SGCZ: variants seen among roughly 807,000 people sequenced by gnomAD.
The protein encoded by SGCZ is zeta-sarcoglycan.
A neutral mutation model predicts 41.3 loss-of-function variants in SGCZ; 40 were observed. The observed-to-expected ratio is 0.97, with a 90% CI of 0.75 to 1.26. The LOEUF (loss-of-function observed/expected upper bound fraction) is 1.26. Ranked by LOEUF, SGCZ falls within the 50% of genes most tolerant of loss-of-function variation. SGCZ has a pLI of 0.00. For missense variants in SGCZ, 552 were observed against 369.8 expected (o/e 1.49, Z -4.04); for synonymous variants, 206 against 137.5 (o/e 1.50, Z -3.49).
intron 1 of SGCZ, among the ~76,000 whole-genome samples, chr8:14,611,055 T>C (rs938550547): frequency 3.9e-5 from 6 of 152,170 alleles, no homozygotes; most frequent in Non-Finnish European, 2.9e-5. Context: ...AAATCTTTTA[T>C]TGGAAGATAG....
At chr8:14,183,193 AC>A (rs1250178431) in intron 4 of SGCZ, among the ~76,000 whole-genome samples, 2 of 152,156 alleles carry the variant, frequency 1.3e-5, no homozygotes, top group African/African-American at 4.8e-5. Flanking sequence ...GTAGATGCCT[AC>A]AAAATATTGC....
At chr8:14,993,017 A>T (rs1220494227) in intron 1 of SGCZ, among the ~76,000 whole-genome samples, 1 of 151,328 alleles carries the variant, frequency 6.6e-6, no homozygotes, top group African/African-American at 2.4e-5. Context: ...TACCTCACCC[A>T]TCCTCCTCAT....
At chr8:15,198,418 T>C (rs1170732953) in intron 1 of SGCZ, among the ~76,000 whole-genome samples, 2 of 152,108 alleles carry the variant, frequency 1.3e-5, no homozygotes, top group African/African-American at 4.8e-5. Flanking sequence ...GTATCTTTAT[T>C]CTAGTCTATC....
chr8:14,670,691 G>A (rs938092518), intron 1 of SGCZ, among the ~76,000 whole-genome samples: 3 of 152,152 alleles, frequency 2.0e-5, no homozygotes, highest in Non-Finnish European at 4.4e-5. Flanking sequence ...ACTCTCAATG[G>A]TCCAAGTCCT....
chr8:14,962,939 C>T (rs1218420308), intron 1 of SGCZ, among the ~76,000 whole-genome samples: 1 of 152,122 alleles, frequency 6.6e-6, no homozygotes, highest in Non-Finnish European at 1.5e-5. Context: ...AGGGGATTAG[C>T]CCTGTTCTAG....
chr8:14,269,168 G>C (rs192027623), intron 3 of SGCZ, among the ~76,000 whole-genome samples: 1 of 152,046 alleles, frequency 6.6e-6, no homozygotes, highest in African/African-American at 2.4e-5. Flanking sequence ...TTAGAGAGCA[G>C]CTTAAGGTTT....
At chr8:14,813,994 C>T (rs1017728990) in intron 1 of SGCZ, among the ~76,000 whole-genome samples, 1 of 152,134 alleles carries the variant, frequency 6.6e-6, no homozygotes, top group East Asian at 1.9e-4. Flanking sequence ...CACATACCCA[C>T]AAGTGCTACA....
intron 3 of SGCZ, among the ~76,000 whole-genome samples, chr8:14,310,669 A>T (rs1362507271): frequency 6.6e-6 from 1 of 152,096 alleles, no homozygotes; most frequent in Non-Finnish European, 1.5e-5. Context: ...TAAAATGTGT[A>T]CAGTGAATTG....
chr8:14,896,611 G>A (rs770022792), intron 1 of SGCZ, among the ~76,000 whole-genome samples: 1 of 151,850 alleles, frequency 6.6e-6, no homozygotes, highest in African/African-American at 2.4e-5. Flanking sequence ...TAGGTAGCTG[G>A]GATTACAGGT....
At chr8:14,329,541 T>G (rs1471651885) in intron 2 of SGCZ, among the ~76,000 whole-genome samples, 1 of 152,188 alleles carries the variant, frequency 6.6e-6, no homozygotes. Context: ...GCTTGGAGAT[T>G]GCCACCTAAC....
At chr8:14,898,644 G>A (rs17120485) in intron 1 of SGCZ, among the ~76,000 whole-genome samples, 6,349 of 152,208 alleles carry the variant, frequency 0.042, 359 homozygotes, top group African/African-American at 0.13. Context: ...AGCGAGAATC[G>A]AAAGGATTTG....
intron 1 of SGCZ, among the ~76,000 whole-genome samples, chr8:14,875,886 G>A (rs1470571735): frequency 6.6e-6 from 1 of 152,118 alleles, no homozygotes; most frequent in Non-Finnish European, 1.5e-5. Context: ...ATCCAAAGTT[G>A]TCTCTGAAGA....
chr8:14,967,960 T>C (rs1233288746), intron 1 of SGCZ, among the ~76,000 whole-genome samples: 1 of 152,148 alleles, frequency 6.6e-6, no homozygotes, highest in Non-Finnish European at 1.5e-5. Context: ...ATATAAAGTG[T>C]TCAGTAAACA....
At chr8:15,088,141 T>G (rs1035042520) in intron 1 of SGCZ, among the ~76,000 whole-genome samples, 1 of 152,156 alleles carries the variant, frequency 6.6e-6, no homozygotes, top group Non-Finnish European at 1.5e-5. Context: ...GCAATATGCA[T>G]GATACTTTAT....
At chr8:14,296,727 G>A (rs1801024771) in intron 3 of SGCZ, among the ~76,000 whole-genome samples, 2 of 151,852 alleles carry the variant, frequency 1.3e-5, no homozygotes, top group Non-Finnish European at 2.9e-5. Context: ...CCTAAAAGAG[G>A]AAATAGATTA....
chr8:14,317,557 C>T (rs994327337), intron 3 of SGCZ, among the ~76,000 whole-genome samples: 1 of 151,662 alleles, frequency 6.6e-6, no homozygotes, highest in Non-Finnish European at 1.5e-5. Context: ...TATGACAAAA[C>T]GGAATTGAAA....
At chr8:14,425,784 G>A (rs1467257611) in intron 2 of SGCZ, among the ~76,000 whole-genome samples, 1 of 152,092 alleles carries the variant, frequency 6.6e-6, no homozygotes, top group Non-Finnish European at 1.5e-5. Flanking sequence ...AGTAGTAAAA[G>A]TGGTACAGAC....
At chr8:15,084,525 C>T (rs571038410) in intron 1 of SGCZ, among the ~76,000 whole-genome samples, 20 of 152,184 alleles carry the variant, frequency 1.3e-4, no homozygotes, top group African/African-American at 3.9e-4. Flanking sequence ...CCGAGGCTGG[C>T]GGATAACCTG....
intron 1 of SGCZ, among the ~76,000 whole-genome samples, chr8:14,966,261 G>A (rs1335457434): frequency 6.6e-6 from 1 of 151,766 alleles, no homozygotes; most frequent in Non-Finnish European, 1.5e-5. Context: ...CATCAGAGAT[G>A]AGAAAGGAAA....
Sources: allele counts gnomAD v4.1 joint callset (sites outside exome capture counted in the v4.1 genomes callset), GRCh38; gene constraint gnomAD v4.1.1; transcripts MANE v1.5; gene names NCBI Gene and HGNC (gene_info 2026-07-23, HGNC 2026-07-21).